LRG1: variants seen among roughly 807,000 people sequenced by gnomAD.
LRG1 encodes the protein leucine rich alpha-2-glycoprotein 1, also known as leucine-rich alpha-2-glycoprotein.
LRG1 carries 1 observed loss-of-function variant against 2.4 expected under a neutral mutation model. That is an observed-to-expected ratio of 0.41 (90% CI 0.15 to 1.95). LRG1 has a LOEUF of 1.95. LRG1 is among the 30% of genes most tolerant of loss of function. The pLI is 0.30. For synonymous variants in LRG1, 226 were observed against 210.6 expected (o/e 1.07, Z -0.63); for missense variants, 425 against 436.9 (o/e 0.97, Z 0.24).
In LRG1 at chr19:4,538,730, G is replaced by A. The variant is rs376133725; in HGVS notation, c.254C>T (p.Ala85Val). The change falls in exon 2 of 2, where the codon GCC becomes GTC. Residue 85 changes from alanine (A) to valine (V), a missense_variant. By Grantham distance (64) the Ala-to-Val change is moderately conservative (BLOSUM62 0). Coordinates refer to ENST00000306390, the MANE Select transcript of LRG1 (RefSeq NM_052972.3). ...VEFFNLTHLP[A>V]NLLQGASKLQ... ...CTTAGAGGCGCCCTGGAGGAGGTTG[G>A]CTGGCAGGTGGGTCAGGTTGAAGAA... The A allele has an allele frequency of 1.2e-6, 2 of 1,602,760 alleles. No individual in the cohort carries two copies. The highest frequency in any genetic ancestry group is 1.1e-5 in the South Asian group (1 of 90,906).
rs1209123313 is a variant in LRG1 at position 4,538,879 on chromosome 19, C to T, written c.105G>A (p.Gly35=). 6.5e-7 allele frequency: 1 copy of T among 1,530,488 alleles called. No individual in the cohort carries two copies. The highest frequency in any genetic ancestry group is 1.3e-5 in the South Asian group (1 of 78,744). 94.8% of individuals were successfully genotyped at this position (1,530,488 alleles called of 1,614,324 possible). The change falls in exon 2 of 2, where the codon GGG becomes GGA. Residue 35 remains glycine, a synonymous_variant. Coordinates refer to ENST00000306390, the MANE Select transcript of LRG1 (RefSeq NM_052972.3). ...LLLLLAASAW[G]VTLSPKDCQV... ...GGCAGTCTTTGGGGCTCAGGGTGACCCCCCAGGCTGAGGCTGCCAACAGCA... is the reference window on the plus strand; with the variant it reads ...GGCAGTCTTTGGGGCTCAGGGTGACTCCCCAGGCTGAGGCTGCCAACAGCA...
In LRG1 at chr19:4,539,117, C is replaced by A. The variant is rs184693791; in HGVS notation, c.33-166G>T. On this transcript the variant is annotated intron_variant, in intron 1 of 1. Coordinates refer to ENST00000306390, the MANE Select transcript of LRG1 (RefSeq NM_052972.3). ...ACTAGGGCAGTTGCTTCCTCCTCCT[C>A]TTCCAGCTTCTACCCTCACCCCCGA... is the stretch of plus-strand genomic sequence containing the variant. 2.2e-3 allele frequency: 1,099 copies of A among 510,838 alleles called. 3 individuals are homozygous for A. Among genetic ancestry groups the A allele is most frequent in the Non-Finnish European group, 3.1e-3 (979 of 319,384 alleles). The allele number at this position is 510,838 out of a possible 1,614,324, so 31.6% of individuals were successfully genotyped here.
At chr19:4,539,347 T>G (rs1439164629) in intron 1 of LRG1, among the ~76,000 whole-genome samples, 4 of 152,228 alleles carry the variant, frequency 2.6e-5, no homozygotes, top group Non-Finnish European at 4.4e-5. Context: ...TGGCTCTGTG[T>G]TTTGATGTGA....
chr19:4,539,029 C>T (rs758056090), intron 1 of LRG1, 78 bp from the exon 2 acceptor site: 14 of 1,366,164 alleles, frequency 1.0e-5, no homozygotes, highest in Middle Eastern at 2.0e-4. Flanking sequence ...CCAGCAAATC[C>T]GCCCACTTCT....
chr19:4,538,467 C>T lies in LRG1; in HGVS notation c.517G>A (p.Gly173Arg), dbSNP rs1976974173. The T allele has an allele frequency of 6.2e-7, 1 of 1,614,022 alleles. No individual in the cohort carries two copies. Among genetic ancestry groups the T allele is most frequent in the Non-Finnish European group, 8.5e-7 (1 of 1,180,028 alleles). ...GGGGGCAGTTTCCGGAGGCGGTTCC[C>T]AGACAGGTCCAGATGCCCCAGAGCT... ...LKALGHLDLS[G>R]NRLRKLPPGL... Residue 173 changes from glycine (G) to arginine (R), a missense_variant, in exon 2 of 2, where the codon GGG becomes AGG. Gly to Arg is a moderately radical substitution (Grantham distance 125, BLOSUM62 -2). Transcript: ENST00000306390.
chr19:4,538,086 G>T lies in LRG1; in HGVS notation c.898C>A (p.Pro300Thr). ...MRDGFDISGNPWICDQNLSDL... is the reference protein window; with the variant it reads ...MRDGFDISGNTWICDQNLSDL... ...CTCAGGTTCTGGTCACAGATCCAGG[G>T]GTTGCCGGAGATGTCGAAGCCATCC... The change falls in exon 2 of 2, where the codon CCC (proline) becomes ACC (threonine). Residue 300 changes from proline (P) to threonine (T), a missense_variant. Physicochemically the swap from Pro to Thr is conservative, Grantham distance 38. Transcript: ENST00000306390. 10 of 1,614,198 alleles carry T rather than the reference G, an allele frequency of 6.2e-6. No individual in the cohort carries two copies. Among genetic ancestry groups the T allele is most frequent in the Non-Finnish European group, 8.5e-6 (10 of 1,180,046 alleles).
chr19:4,539,099 C>A, intron 1 of LRG1, 148 bp from the exon 2 acceptor site: 1 of 644,554 alleles, frequency 1.6e-6, no homozygotes, highest in Non-Finnish European at 2.3e-6. Context: ...TGTACTAGGG[C>A]AGTTGCTTCC....
chr19:4,539,810 GGT>G (rs750115760), intron 1 of LRG1, among the ~76,000 whole-genome samples, 170 bp downstream of exon 1: 3 of 151,722 alleles, frequency 2.0e-5, no homozygotes, highest in African/African-American at 4.8e-5. Flanking sequence ...CTTCTGTAGG[GGT>G]GTGTGTGTGT....
Position 4,537,791 on chromosome 19 carries a change from T to A in LRG1, c.*149A>T, listed in dbSNP as rs1976961476. On this transcript the variant is annotated 3_prime_UTR_variant, in exon 2 of 2. Transcript: ENST00000306390. ...ACCATGTTAGCCAAGATGGTCTCGA[T>A]CTCCTGACCTCGTGATCCGCCCACC... The A allele has an allele frequency of 1.3e-6, 1 of 790,042 alleles. No homozygotes were observed. Among genetic ancestry groups the A allele is most frequent in the African/African-American group, 1.7e-5 (1 of 57,380 alleles). 48.9% of individuals were successfully genotyped at this position (790,042 alleles called of 1,614,324 possible). A position where few individuals can be genotyped will look rare whatever the true frequency, so the allele number is the denominator to read the frequency against.
chr19:4,538,640 A>G lies in LRG1; in HGVS notation c.344T>C (p.Val115Ala). 1.2e-6 allele frequency: 2 copies of G among 1,613,086 alleles called. No homozygotes were observed. The highest frequency in any genetic ancestry group is 8.5e-7 in the Non-Finnish European group (1 of 1,179,358). The change falls in exon 2 of 2, where the codon GTG becomes GCG. Residue 115 changes from valine (V) to alanine (A), a missense_variant. Val to Ala is a moderately conservative substitution (Grantham distance 64, BLOSUM62 0). Coordinates refer to ENST00000306390, the MANE Select transcript of LRG1 (RefSeq NM_052972.3). ...ESLSPEFLRP[V>A]PQLRVLDLTR... is the part of the protein sequence containing the mutation. ...TAGATCCAGCACCCTCAGCTGCGGC[A>G]CTGGCCGCAGGAATTCGGGCGAGAG...
Position 4,538,223 on chromosome 19 carries a change from C to G in LRG1, c.761G>C (p.Gly254Ala). The G allele has an allele frequency of 6.2e-7, 1 of 1,614,024 alleles. No homozygotes were observed. Among genetic ancestry groups the G allele is most frequent in the Non-Finnish European group, 8.5e-7 (1 of 1,180,004 alleles). ...CAGCTGCCGCAGGCCCTGGAAGGCA[C>G]CGGCTGCCACCCTGGCCAGCTTGTT... ...NGNKLARVAA[G>A]AFQGLRQLDM... The change falls in exon 2 of 2, where the codon GGT becomes GCT. Residue 254 changes from glycine (G) to alanine (A), a missense_variant. By Grantham distance (60) the Gly-to-Ala change is moderately conservative (BLOSUM62 0). Coordinates refer to ENST00000306390, the MANE Select transcript of LRG1 (RefSeq NM_052972.3).
At chr19:4,539,061 C>A in intron 1 of LRG1, 110 bp from the exon 2 acceptor site, 2 of 1,105,252 alleles carry the variant, frequency 1.8e-6, no homozygotes, top group Non-Finnish European at 2.5e-6. Context: ...CGGCTACCAG[C>A]CTGGACTATG....
rs535379466 is a variant in LRG1, at chr19:4,536,889, G to A, written c.*1051C>T. 9 of 152,408 alleles carry A rather than the reference G, an allele frequency of 5.9e-5. No individual in the cohort carries two copies. The highest frequency in any genetic ancestry group is 1.9e-4 in the African/African-American group (8 of 41,578). 9.4% of individuals were successfully genotyped at this position (152,408 alleles called of 1,614,324 possible). A position where few individuals can be genotyped will look rare whatever the true frequency, so the allele number is the denominator to read the frequency against. ...TTGCCCGGGGGCAGGTGCCCCCTTC[G>A]ATGATCTCAGGTCAGCATGACAAAT... On this transcript the variant is annotated 3_prime_UTR_variant, in exon 2 of 2. Coordinates refer to ENST00000306390, the MANE Select transcript of LRG1 (RefSeq NM_052972.3).
intron 1 of LRG1, 38 bp from the exon 2 acceptor site, chr19:4,538,989 T>TCA (rs1252313073): frequency 2.0e-6 from 3 of 1,478,312 alleles, no homozygotes; most frequent in Non-Finnish European, 2.7e-6. Flanking sequence ...TAAACCACAG[T>TCA]GAAAATACAC....
chr19:4,537,890 G>A lies in LRG1; in HGVS notation c.*50C>T, dbSNP rs565258746. On this transcript the variant is annotated 3_prime_UTR_variant, in exon 2 of 2. Transcript: ENST00000306390. ...CCAAAGGCAGGATTATTTGTTAAGC[G>A]GGTTGCAGTGTTCTACCAGACCCCC... 3.4e-5 allele frequency: 53 copies of A among 1,552,320 alleles called. No homozygotes were observed. In the East Asian group the frequency reaches 7.9e-4, roughly 23 times the overall value.
In LRG1 at chr19:4,538,413, G is replaced by C. The variant is rs374325546; in HGVS notation, c.571C>G (p.Arg191Gly). The stretch of plus-strand genomic sequence containing the variant: ...TGGTTCTCCCCAAGGTCAAGGGTGC[G>C]CAGGAGGGTGAAGTTGGCCAGCAGC... ...PGLLANFTLLRTLDLGENQLE... is the reference protein window; with the variant it reads ...PGLLANFTLLGTLDLGENQLE... Residue 191 changes from arginine to glycine, a missense_variant, in exon 2 of 2, where the codon CGC becomes GGC. Coordinates refer to ENST00000306390, the MANE Select transcript of LRG1 (RefSeq NM_052972.3). The C allele has an allele frequency of 2.5e-6, 4 of 1,614,004 alleles. No individual in the cohort carries two copies. The South Asian group carries it at 4.4e-5, about 18-fold the overall frequency.
Position 4,538,578 on chromosome 19 carries a change from A to G in LRG1, c.406T>C (p.Phe136Leu). Reference protein sequence around the residue: ...NALTGLPPGLFQASATLDTLV... With the variant: ...NALTGLPPGLLQASATLDTLV... ...GTGTCCAGGGTGGCTGAGGCCTGGA[A>G]GAGGCCCGGGGGCAGCCCGGTCAGG... Residue 136 changes from phenylalanine to leucine, a missense_variant, in exon 2 of 2, where the codon TTC (phenylalanine) becomes CTC (leucine). Transcript: ENST00000306390. The G allele has an allele frequency of 6.2e-7, 1 of 1,613,350 alleles. No homozygotes were observed. The highest frequency in any genetic ancestry group is 8.5e-7 in the Non-Finnish European group (1 of 1,179,824).
At chr19:4,539,945 T>C (rs1211742081) in intron 1 of LRG1, 37 bp downstream of exon 1, 1 of 1,613,572 alleles carries the variant, frequency 6.2e-7, no homozygotes, top group Non-Finnish European at 8.5e-7. Flanking sequence ...TGGTCTGGCG[T>C]TCAAACCTGC....
chr19:4,536,891 T>G lies in LRG1; in HGVS notation c.*1049A>C, dbSNP rs923312971. ...GCCCGGGGGCAGGTGCCCCCTTCGA[T>G]GATCTCAGGTCAGCATGACAAATCG... is the stretch of plus-strand genomic sequence containing the variant. On this transcript the variant is annotated 3_prime_UTR_variant, in exon 2 of 2. Transcript: ENST00000306390. The G allele has an allele frequency of 2.0e-5, 3 of 152,300 alleles. No individual in the cohort carries two copies. Among genetic ancestry groups the G allele is most frequent in the Admixed American group, 6.5e-5 (1 of 15,284 alleles). 9.4% of individuals were successfully genotyped at this position (152,300 alleles called of 1,614,324 possible). A position where few individuals can be genotyped will look rare whatever the true frequency, so the allele number is the denominator to read the frequency against.
Sources: allele counts gnomAD v4.1 joint callset (sites outside exome capture counted in the v4.1 genomes callset), GRCh38; gene constraint gnomAD v4.1.1; transcripts MANE v1.5; gene names NCBI Gene and HGNC (gene_info 2026-07-23, HGNC 2026-07-21).